The following DLGAP2 variants were observed in gnomAD, a reference collection of about 807,000 sequenced individuals.
DLGAP2 encodes disks large-associated protein 2.
A neutral mutation model predicts 100.3 loss-of-function variants in DLGAP2; 26 were observed. That is an observed-to-expected ratio of 0.26 (90% confidence interval 0.19 to 0.36). The LOEUF (loss-of-function observed/expected upper bound fraction) is 0.36. DLGAP2 is among the 10% of genes least tolerant of loss of function. The probability of loss-of-function intolerance (pLI) is 1.00; values close to 1 mark genes in which losing one functional copy is unlikely to be tolerated. For synonymous variants in DLGAP2, 886 were observed against 630.1 expected (o/e 1.41, Z -6.08); for missense variants, 1,858 against 1,453.2 (o/e 1.28, Z -4.53).
chr8:1,245,223 TA>T (rs567663771), intron 2 of DLGAP2, among the ~76,000 whole-genome samples: 39 of 152,310 alleles, frequency 2.6e-4, no homozygotes, highest in African/African-American at 7.9e-4. Context: ...CATGTGACCA[TA>T]AATCCCATTT....
chr8:839,983 C>T (rs13254472), intron 1 of DLGAP2, among the ~76,000 whole-genome samples: 79,796 of 117,722 alleles, frequency 0.68, 26,748 homozygotes, highest in East Asian at 0.94. Flanking sequence ...TGAGCGCGTC[C>T]ACACGGTGCA....
chr8:1,563,248 G>C (rs1293002941), intron 5 of DLGAP2, among the ~76,000 whole-genome samples: 1 of 50,280 alleles, frequency 2.0e-5, no homozygotes. Flanking sequence ...CTCGTTACTG[G>C]GGGACTGTGT....
At chr8:1,144,326 C>T (rs1034399516) in intron 2 of DLGAP2, among the ~76,000 whole-genome samples, 2 of 152,190 alleles carry the variant, frequency 1.3e-5, no homozygotes, top group African/African-American at 4.8e-5. Context: ...GGTAAAATTA[C>T]TGTTTATGGG....
At chr8:1,328,048 GTTTT>G (rs557898489) in intron 3 of DLGAP2, among the ~76,000 whole-genome samples, 1 of 151,030 alleles carries the variant, frequency 6.6e-6, no homozygotes, top group Non-Finnish European at 1.5e-5. Context: ...TTTTATAGTT[GTTTT>G]TTTTGGAGAC....
In DLGAP2 at chr8:1,509,327, C is replaced by CTAA. The variant is rs769352573; in HGVS notation, c.172+7896_172+7897insTAA. Among the ~76,000 whole-genome samples the CTAA allele has an allele frequency of 1.5e-4, 12 of 77,488 alleles. 1 individual carries two copies. Among genetic ancestry groups the CTAA allele is most frequent in the Admixed American group, 3.1e-4 (2 of 6,556 alleles). The allele number at this position is 77,488 out of a possible 152,430, so 50.8% of individuals were successfully genotyped here. On this transcript the variant is annotated intron_variant, in intron 4 of 14. Coordinates refer to ENST00000637795, the MANE Select transcript of DLGAP2 (RefSeq NM_001346810.2). The stretch of plus-strand genomic sequence containing the variant: ...GCCTGGCAACAGAGCAAGACTCCGT[C>CTAA]CAAAAAAAAAAAAAAAACCGTATAG...
chr8:1,619,320 A>G (rs1364716662), intron 6 of DLGAP2, among the ~76,000 whole-genome samples: 1 of 152,236 alleles, frequency 6.6e-6, no homozygotes, highest in African/African-American at 2.4e-5. Context: ...GAATGACAAT[A>G]CAACATGCCC....
rs150738711 is a variant in DLGAP2, at chr8:1,511,388, C to T, written c.172+9957C>T. Among the ~76,000 whole-genome samples the T allele has an allele frequency of 1.1e-3, 156 of 144,476 alleles. 5 individuals are homozygous for T. The East Asian group carries it at 0.032, about 30-fold the overall frequency. The allele number at this position is 144,476 out of a possible 152,430, so 94.8% of individuals were successfully genotyped here. ...CTAGTGTAGGACAATCAGTAGATGA[C>T]CATCTTCCATGGTCGTAAGGGCTGT... On this transcript the variant is annotated intron_variant, in intron 4 of 14. Transcript: ENST00000637795.
At chr8:1,020,052 A>G (rs1257804133) in intron 2 of DLGAP2, among the ~76,000 whole-genome samples, 10 of 152,276 alleles carry the variant, frequency 6.6e-5, no homozygotes, top group South Asian at 2.1e-4. Context: ...AAGTAGATAC[A>G]TGCATTAAAA....
intron 2 of DLGAP2, among the ~76,000 whole-genome samples, chr8:997,637 C>G (rs1800818263): frequency 6.6e-6 from 1 of 152,204 alleles, no homozygotes; most frequent in South Asian, 2.1e-4. Flanking sequence ...AAATGGAACT[C>G]ATTCCTATGC....
At chr8:1,275,795 T>A (rs1183835947) in intron 3 of DLGAP2, among the ~76,000 whole-genome samples, 1 of 124,320 alleles carries the variant, frequency 8.0e-6, no homozygotes, top group African/African-American at 3.1e-5. Flanking sequence ...ATATAATATA[T>A]AAATAAATAT....
At chr8:1,552,033 G>C (rs1469957674) in intron 5 of DLGAP2, among the ~76,000 whole-genome samples, 2 of 152,150 alleles carry the variant, frequency 1.3e-5, no homozygotes, top group Non-Finnish European at 2.9e-5. Context: ...TGGTTGGTCT[G>C]ATTGTGTCTG....
intron 2 of DLGAP2, among the ~76,000 whole-genome samples, chr8:1,031,937 G>A (rs897891236): frequency 2.0e-5 from 3 of 152,218 alleles, no homozygotes; most frequent in East Asian, 1.9e-4. Context: ...CTGAACAAGC[G>A]AGTCTGTCTG....
intron 2 of DLGAP2, among the ~76,000 whole-genome samples, chr8:1,108,908 T>C (rs1361505084): frequency 7.3e-6 from 1 of 137,846 alleles, no homozygotes; most frequent in Admixed American, 7.3e-5. Flanking sequence ...CACGTGCCTA[T>C]GAAGTGTGCT....
intron 14 of DLGAP2, among the ~76,000 whole-genome samples, chr8:1,699,160 T>C (rs535041364): frequency 2.0e-5 from 3 of 152,336 alleles, no homozygotes; most frequent in Admixed American, 6.5e-5. Flanking sequence ...TCTTTGGTCA[T>C]TGAGAGCAAA....
chr8:1,524,579 C>G (rs559744120), intron 4 of DLGAP2, among the ~76,000 whole-genome samples: 1 of 152,160 alleles, frequency 6.6e-6, no homozygotes, highest in South Asian at 2.1e-4. Context: ...ACCCCATCTT[C>G]TCCTTGTGTC....
chr8:1,334,075 G>C (rs559062813), intron 3 of DLGAP2, among the ~76,000 whole-genome samples: 1 of 152,248 alleles, frequency 6.6e-6, no homozygotes, highest in African/African-American at 2.4e-5. Flanking sequence ...CTGTGCCCCT[G>C]AGAGCCCCAA....
intron 3 of DLGAP2, among the ~76,000 whole-genome samples, chr8:1,348,587 T>G (rs1390983733): frequency 1.4e-5 from 2 of 138,982 alleles, no homozygotes; most frequent in East Asian, 4.5e-4. Flanking sequence ...TGAGTTCCCA[T>G]TAACATCTGC....
chr8:967,104 A>G (rs1272626155), intron 2 of DLGAP2, among the ~76,000 whole-genome samples: 1 of 152,256 alleles, frequency 6.6e-6, no homozygotes, highest in Non-Finnish European at 1.5e-5. Flanking sequence ...TTGATTATAC[A>G]GATGTCTTTC....
At chr8:1,098,603 C>T (rs1804470532) in intron 2 of DLGAP2, among the ~76,000 whole-genome samples, 1 of 106,892 alleles carries the variant, frequency 9.4e-6, no homozygotes, top group Non-Finnish European at 2.2e-5. Context: ...AGGCTCCCGG[C>T]CGCCCACGGG....
Sources: gnomAD v4.1 joint callset for allele counts (sites outside exome capture counted in the v4.1 genomes callset) on GRCh38, gnomAD v4.1.1 for gene constraint, MANE v1.5 for transcripts, NCBI Gene and HGNC (gene_info 2026-07-23, HGNC 2026-07-21) for gene names.